DACH2: variants seen among roughly 807,000 people sequenced by gnomAD.
The protein encoded by DACH2 is dachshund family transcription factor 2.
A neutral mutation model predicts 35.8 loss-of-function variants in DACH2; 17 were observed. The observed-to-expected ratio is 0.48, with a 90% CI of 0.33 to 0.71. DACH2 has a LOEUF of 0.71. Ranked by LOEUF, DACH2 falls within the 30% of genes least tolerant of loss-of-function variation. The pLI is 0.02. For missense variants in DACH2, 469 were observed against 472.7 expected (o/e 0.99, Z 0.07); for synonymous variants, 195 against 177.3 (o/e 1.10, Z -0.79).
intron 2 of DACH2, among the ~76,000 whole-genome samples, chrX:86,420,987 G>C (rs2148157434): frequency 9.0e-6 from 1 of 111,011 alleles, no homozygotes; most frequent in African/African-American, 3.3e-5. Flanking sequence ...TTATGAAAGA[G>C]TTTTCAGGAA....
intron 2 of DACH2, among the ~76,000 whole-genome samples, chrX:86,454,818 A>G (rs745614973): frequency 2.0e-4 from 22 of 111,981 alleles, no homozygotes; most frequent in African/African-American, 7.1e-4. Flanking sequence ...CCCTTGCTGG[A>G]CAGGTGTTAC....
intron 1 of DACH2, among the ~76,000 whole-genome samples, chrX:86,371,831 TA>T (rs909592536): frequency 9.0e-6 from 1 of 111,229 alleles, no homozygotes; most frequent in African/African-American, 3.3e-5. Flanking sequence ...AGCACATATT[TA>T]TTGGCAGTTT....
At chrX:86,246,104 T>A (rs1238159005) in intron 1 of DACH2, among the ~76,000 whole-genome samples, 1 of 109,320 alleles carries the variant, frequency 9.1e-6, no homozygotes, top group African/African-American at 3.3e-5. Flanking sequence ...ACCACCTCAA[T>A]CAAATAAAAA....
intron 1 of DACH2, among the ~76,000 whole-genome samples, chrX:86,275,694 T>A (rs2033904047): frequency 1.8e-5 from 2 of 111,775 alleles, no homozygotes; most frequent in Non-Finnish European, 3.8e-5. Context: ...CACCTCCCCC[T>A]TACTCTCCCA....
intron 6 of DACH2, among the ~76,000 whole-genome samples, chrX:86,722,657 T>C (rs967076134): frequency 2.7e-5 from 3 of 111,973 alleles, no homozygotes; most frequent in African/African-American, 9.7e-5. Context: ...TTGATTTGTA[T>C]ATATAGATTC....
At chrX:86,152,082 C>T (rs965283756) in intron 1 of DACH2, among the ~76,000 whole-genome samples, 2 of 111,597 alleles carry the variant, frequency 1.8e-5, no homozygotes, top group African/African-American at 6.5e-5. Context: ...AAATGTTTAG[C>T]GAATAGAAAC....
chrX:86,172,748 G>A (rs1430134999), intron 1 of DACH2, among the ~76,000 whole-genome samples: 3 of 111,576 alleles, frequency 2.7e-5, no homozygotes, highest in Non-Finnish European at 3.8e-5. Context: ...GATAAACAAA[G>A]TAGAAGAAGA....
intron 1 of DACH2, among the ~76,000 whole-genome samples, chrX:86,290,806 T>C (rs1374612429): frequency 1.0e-5 from 1 of 99,102 alleles, no homozygotes; most frequent in African/African-American, 3.8e-5. Flanking sequence ...ACCAGTACCA[T>C]GCTGTTTTGG....
intron 4 of DACH2, among the ~76,000 whole-genome samples, chrX:86,678,995 C>T (rs915497331): frequency 2.7e-5 from 3 of 111,374 alleles, no homozygotes; most frequent in African/African-American, 9.8e-5. Context: ...TCCTTTTATC[C>T]TCTCCTTCTT....
At chrX:86,787,797 C>T (rs1413532946) in intron 7 of DACH2, among the ~76,000 whole-genome samples, 1 of 111,606 alleles carries the variant, frequency 9.0e-6, no homozygotes, top group Non-Finnish European at 1.9e-5. Flanking sequence ...TCTGAGCAAC[C>T]TCAATTCTTT....
chrX:86,317,178 C>T (rs770248669), intron 1 of DACH2, among the ~76,000 whole-genome samples: 30 of 109,078 alleles, frequency 2.8e-4, no homozygotes, highest in Admixed American at 5.9e-4. Context: ...CCATTATTAG[C>T]GGGGGCACTG....
At chrX:86,409,596 C>T (rs1179148444) in intron 2 of DACH2, among the ~76,000 whole-genome samples, 1 of 111,095 alleles carries the variant, frequency 9.0e-6, no homozygotes, top group African/African-American at 3.3e-5. Context: ...TCCCCCTTTG[C>T]CATCCATCAT....
chrX:86,568,118 A>G (rs1377496035), intron 3 of DACH2, among the ~76,000 whole-genome samples: 3 of 111,753 alleles, frequency 2.7e-5, no homozygotes, highest in Non-Finnish European at 5.7e-5. Flanking sequence ...CTATGGAGAC[A>G]GTGAAAAAGA....
At chrX:86,155,102 C>T (rs1043945735) in intron 1 of DACH2, among the ~76,000 whole-genome samples, 11 of 110,487 alleles carry the variant, frequency 1.0e-4, no homozygotes, top group Admixed American at 9.7e-4. Flanking sequence ...ATGATTGGGA[C>T]ACATTGAAAG....
chrX:86,185,143 A>G (rs1351180404), intron 1 of DACH2, among the ~76,000 whole-genome samples: 1 of 111,762 alleles, frequency 8.9e-6, no homozygotes, highest in African/African-American at 3.2e-5. Context: ...GGAAATATGG[A>G]ATATTAACCT....
At chrX:86,213,232 C>T (rs888151118) in intron 1 of DACH2, among the ~76,000 whole-genome samples, 2 of 111,270 alleles carry the variant, frequency 1.8e-5, no homozygotes, top group Non-Finnish European at 3.8e-5. Context: ...AGCGTAGGCC[C>T]TCGCCTATGA....
chrX:86,726,860 C>T (rs1188207101), intron 6 of DACH2, among the ~76,000 whole-genome samples: 1 of 111,928 alleles, frequency 8.9e-6, no homozygotes, highest in African/African-American at 3.2e-5. Flanking sequence ...AGCCAGCCCC[C>T]ATCCTGGTAA....
intron 1 of DACH2, among the ~76,000 whole-genome samples, chrX:86,325,026 A>G (rs926088947): frequency 7.2e-5 from 8 of 111,347 alleles, no homozygotes. Context: ...GGTTTTTTAG[A>G]TATCATTTGA....
chrX:86,471,473 C>G (rs2037759799), intron 2 of DACH2, among the ~76,000 whole-genome samples: 1 of 111,126 alleles, frequency 9.0e-6, no homozygotes, highest in African/African-American at 3.3e-5. Flanking sequence ...TAGTTTCCTC[C>G]CTTTATGCAA....
Sources: allele counts gnomAD v4.1 joint callset (sites outside exome capture counted in the v4.1 genomes callset), GRCh38; gene constraint gnomAD v4.1.1; transcripts MANE v1.5; gene names NCBI Gene and HGNC (gene_info 2026-07-23, HGNC 2026-07-21).